Variants in FAM185A observed in about 807,000 individuals in gnomAD.
FAM185A encodes the protein protein FAM185A.
A neutral mutation model predicts 45.7 loss-of-function variants in FAM185A; 21 were observed. The ratio of observed to expected loss-of-function variants is 0.46; its 90% confidence interval spans 0.33 to 0.66. The LOEUF (loss-of-function observed/expected upper bound fraction) is 0.66, where lower values mean the gene tolerates loss of function less well. Ranked by LOEUF, FAM185A falls within the 30% of genes least tolerant of loss-of-function variation. The probability of loss-of-function intolerance (pLI) is 0.03; values close to 1 mark genes in which losing one functional copy is unlikely to be tolerated. For synonymous variants in FAM185A, 117 were observed against 194.0 expected (o/e 0.60, Z 3.30); for missense variants, 305 against 485.4 (o/e 0.63, Z 3.49).
chr7:102,845,469 G>T, the FAM185A span, among the ~76,000 whole-genome samples: 1 of 152,118 alleles, frequency 6.6e-6, no homozygotes, highest in South Asian at 2.1e-4. Flanking sequence ...GAGAAATTTT[G>T]ACAACAGTAA....
chr7:102,807,026 A>G (rs6963650), intron 7 of FAM185A, among the ~76,000 whole-genome samples: 3,137 of 152,298 alleles, frequency 0.021, 113 homozygotes, highest in African/African-American at 0.071. Flanking sequence ...TACATGGTCC[A>G]CTGTGGATGA....
intron 6 of FAM185A, among the ~76,000 whole-genome samples, chr7:102,781,918 A>G (rs1795434949): frequency 6.6e-6 from 1 of 152,304 alleles, no homozygotes; most frequent in African/African-American, 2.4e-5. Flanking sequence ...AAAAAATTAG[A>G]TGAATGGCTA....
rs771117380 is a variant in FAM185A, at chr7:102,761,344, G to A, written c.726G>A (p.Lys242=). The A allele has an allele frequency of 1.9e-6, 3 of 1,547,130 alleles. No individual in the cohort carries two copies. The highest frequency in any genetic ancestry group is 1.7e-6 in the Non-Finnish European group (2 of 1,145,108). The change falls in exon 4 of 8, where the codon AAG becomes AAA. Residue 242 remains lysine, a synonymous_variant. Transcript: ENST00000413034. ...CCGAAGATGGTTTGCTGAAAGCCAA[G>A]TATCTTTATACAGAATCATCATTTC... ...VSTEDGLLKA[K]YLYTESSFLS...
intron 2 of FAM185A, among the ~76,000 whole-genome samples, chr7:102,752,781 C>T (rs930906239): frequency 2.0e-4 from 27 of 137,354 alleles, no homozygotes; most frequent in Non-Finnish European, 3.8e-4. Context: ...TTTGAAATAC[C>T]TCTCTGATAG....
the FAM185A span, among the ~76,000 whole-genome samples, chr7:102,815,669 G>A: frequency 6.6e-6 from 1 of 152,058 alleles, no homozygotes; most frequent in African/African-American, 2.4e-5. Context: ...TTGTTTTAGG[G>A]AGTAAAAGAT....
At chr7:102,846,069 T>C in the FAM185A span, among the ~76,000 whole-genome samples, 6 of 152,334 alleles carry the variant, frequency 3.9e-5, no homozygotes, top group African/African-American at 1.4e-4. Context: ...AGGAAATTAA[T>C]ACATGGAAAA....
intron 2 of FAM185A, among the ~76,000 whole-genome samples, chr7:102,754,150 T>G (rs1380598804): frequency 6.6e-6 from 1 of 152,246 alleles, no homozygotes; most frequent in Non-Finnish European, 1.5e-5. Flanking sequence ...TTGATATGTG[T>G]CTCTTTCATT....
Position 102,797,448 on chromosome 7 carries a change from C to T in FAM185A, c.1066+9979C>T, listed in dbSNP as rs190164175. On this transcript the variant is annotated intron_variant, in intron 7 of 7. Coordinates refer to ENST00000413034, the MANE Select transcript of FAM185A (RefSeq NM_001145268.2). ...CCGAGATCGCACCACTGCACTCCAG[C>T]CTGAGTGACACAGCGAGACTCCGTC... 4.5e-4 allele frequency among the ~76,000 whole-genome samples: 69 copies of T among 152,152 alleles called. No individual in the cohort carries two copies. The East Asian group carries it at 0.012, about 26-fold the overall frequency.
chr7:102,809,950 G>T (rs1197924070), downstream of FAM185A, among the ~76,000 whole-genome samples: 1 of 152,046 alleles, frequency 6.6e-6, no homozygotes, highest in Non-Finnish European at 1.5e-5. Context: ...GTTTAAAAGT[G>T]TGGGTATCTT....
Position 102,787,392 on chromosome 7 carries a change from A to C in FAM185A, c.989A>C (p.Lys330Thr). The change falls in exon 7 of 8, where the codon AAA becomes ACA. Residue 330 changes from lysine to threonine, a missense_variant. Around this residue, in one of 5 missense-constraint regions of FAM185A, gnomAD observed 66 missense variants for 74.6 expected, o/e 0.89. Coordinates refer to ENST00000413034, the MANE Select transcript of FAM185A (RefSeq NM_001145268.2). ...SLQAHLQLSGKEVDVNSEVHV... is the reference protein window; with the variant it reads ...SLQAHLQLSGTEVDVNSEVHV... ...CAAGCTCATTTACAGTTATCAGGGA[A>C]AGAGGTTGATGTGAACTCAGAAGTC... is the stretch of plus-strand genomic sequence containing the variant. 6.5e-7 allele frequency: 1 copy of C among 1,534,592 alleles called. No homozygotes were observed. Among genetic ancestry groups the C allele is most frequent in the Non-Finnish European group, 8.8e-7 (1 of 1,135,276 alleles).
At chr7:102,754,981 C>G (rs1374303280) in intron 2 of FAM185A, 2 of 237,968 alleles carry the variant, frequency 8.4e-6, no homozygotes, top group East Asian at 8.9e-5. Context: ...ATAACAGTAG[C>G]TCTTACTATT....
chr7:102,826,767 A>ATATG, the FAM185A span, among the ~76,000 whole-genome samples: 1 of 112,848 alleles, frequency 8.9e-6, no homozygotes, highest in Admixed American at 1.0e-4. Context: ...ATATATATAT[A>ATATG]TATATGTATA....
intron 2 of FAM185A, among the ~76,000 whole-genome samples, chr7:102,753,975 T>A (rs577931620): frequency 6.6e-6 from 1 of 152,290 alleles, no homozygotes; most frequent in East Asian, 1.9e-4. Context: ...CATGAAAAAT[T>A]ACGCCTGTGG....
At chr7:102,833,675 A>C in the FAM185A span, among the ~76,000 whole-genome samples, 2 of 146,182 alleles carry the variant, frequency 1.4e-5, no homozygotes, top group South Asian at 2.2e-4. Flanking sequence ...CAAGTGATCC[A>C]CCCTCCCAAA....
chr7:102,766,525 G>A (rs1379162614), intron 4 of FAM185A, among the ~76,000 whole-genome samples: 1 of 152,174 alleles, frequency 6.6e-6, no homozygotes, highest in Non-Finnish European at 1.5e-5. Context: ...CAGAAGAAAT[G>A]TCCCAATCTG....
At chr7:102,819,470 C>T in the FAM185A span, among the ~76,000 whole-genome samples, 2 of 152,136 alleles carry the variant, frequency 1.3e-5, no homozygotes, top group African/African-American at 4.8e-5. Context: ...TCCTCTGGTT[C>T]AGAAAGGGTG....
downstream of FAM185A, among the ~76,000 whole-genome samples, chr7:102,811,355 T>C (rs1158899693): frequency 2.6e-5 from 4 of 152,224 alleles, no homozygotes; most frequent in African/African-American, 7.2e-5. Flanking sequence ...CTAACTAATA[T>C]CTTTGATATT....
the FAM185A span, among the ~76,000 whole-genome samples, chr7:102,846,414 T>C: frequency 1.3e-5 from 2 of 152,240 alleles, no homozygotes; most frequent in African/African-American, 4.8e-5. Flanking sequence ...GGTCAGGGGT[T>C]CAAGACCAGC....
the FAM185A span, among the ~76,000 whole-genome samples, chr7:102,845,583 C>T: frequency 6.6e-6 from 1 of 152,268 alleles, no homozygotes; most frequent in Middle Eastern, 3.4e-3. Flanking sequence ...TCGTCTTTAA[C>T]CACATCTTCA....
Sources: allele counts gnomAD v4.1 joint callset (sites outside exome capture counted in the v4.1 genomes callset), GRCh38; gene constraint gnomAD v4.1.1; regional missense constraint gnomAD v4.1.1; transcripts MANE v1.5; gene names NCBI Gene and HGNC (gene_info 2026-07-23, HGNC 2026-07-21).